The following CERCAM variants were observed in gnomAD, a reference collection of about 807,000 sequenced individuals.
CERCAM encodes the protein inactive glycosyltransferase 25 family member 3.
A neutral mutation model predicts 66.0 loss-of-function variants in CERCAM; 59 were observed. That is an observed-to-expected ratio of 0.89 (90% CI 0.73 to 1.11). The LOEUF (loss-of-function observed/expected upper bound fraction) is 1.11, where lower values mean the gene tolerates loss of function less well. Ranked by LOEUF, CERCAM falls within the 50% of genes most tolerant of loss-of-function variation. The pLI, the probability that CERCAM is intolerant of heterozygous loss-of-function variation, is 0.00. For missense variants in CERCAM, 840 were observed against 828.3 expected (o/e 1.01, Z -0.17); for synonymous variants, 318 against 343.6 (o/e 0.93, Z 0.83).
intron 11 of CERCAM, among the ~76,000 whole-genome samples, chr9:128,435,285 C>G (rs898669652): frequency 6.6e-6 from 1 of 152,186 alleles, no homozygotes; most frequent in African/African-American, 2.4e-5. Context: ...GCATGAGCCA[C>G]TGTACCCAGC....
chr9:128,420,741 G>A, upstream of CERCAM: 1 of 281,958 alleles, frequency 3.5e-6, no homozygotes, highest in Non-Finnish European at 6.4e-6. This position sits in a 1 kb window ranked among gnomAD's most constrained non-coding sequence, Gnocchi z 5.0. Context: ...GGGGTGGGGA[G>A]CAGGATCCCA....
Position 128,424,414 on chromosome 9 carries a change from A to G in CERCAM, c.566A>G (p.Tyr189Cys), listed in dbSNP as rs753352925. The G allele has an allele frequency of 1.9e-6, 3 of 1,613,794 alleles. No individual in the cohort carries two copies. Among genetic ancestry groups the G allele is most frequent in the Non-Finnish European group, 2.5e-6 (3 of 1,180,018 alleles). Residue 189 changes from tyrosine (Y) to cysteine (C), a missense_variant, in exon 5 of 13, where the codon TAC (tyrosine) becomes TGC (cysteine). By Grantham distance (194) the Tyr-to-Cys change is radical. Transcript: ENST00000372838. ...NFWCGITPQG[Y>C]YRRTAEYFPT... ...CAAAGCATCCCTTTTCCCCAGGGCTACTACCGCCGCACAGCCGAGTACTTC... is the reference window on the plus strand; with the variant it reads ...CAAAGCATCCCTTTTCCCCAGGGCTGCTACCGCCGCACAGCCGAGTACTTC...
rs145322425 is a variant in CERCAM at position 128,434,939 on chromosome 9, G to A, written c.1535+326G>A. Among the ~76,000 whole-genome samples, 2,344 of 152,162 alleles carry A rather than the reference G, an allele frequency of 0.015. 61 individuals are homozygous for A. Among genetic ancestry groups the A allele is most frequent in the African/African-American group, 0.054 (2,245 of 41,500 alleles). Reference sequence around the variant, plus strand: ...CAATTCTGCTGCCTCAGCCTCCTGAGTAGCTGGGATTACAGGGAAGTGCCA... The same window carrying A: ...CAATTCTGCTGCCTCAGCCTCCTGAATAGCTGGGATTACAGGGAAGTGCCA... On this transcript the variant is annotated intron_variant, in intron 11 of 12. Coordinates refer to ENST00000372838, the MANE Select transcript of CERCAM (RefSeq NM_016174.5). The surrounding 1 kb of genome is among the most constrained non-coding windows in gnomAD (Gnocchi z 4.5).
Position 128,424,554 on chromosome 9 carries a change from C to T in CERCAM, c.706C>T (p.Pro236Ser). 6.2e-7 allele frequency: 1 copy of T among 1,614,190 alleles called. No individual in the cohort carries two copies. The highest frequency in any genetic ancestry group is 8.5e-7 in the Non-Finnish European group (1 of 1,180,048). The change falls in exon 5 of 13, where the codon CCC becomes TCC. Residue 236 changes from proline to serine, a missense_variant. Physicochemically the swap from Pro to Ser is moderately conservative, Grantham distance 74. Transcript: ENST00000372838. ...ADQLAFYPPH[P>S]NYTWPFDDII... is the part of the protein sequence containing the mutation. ...CCAGCTTGCTTTCTACCCGCCACAT[C>T]CCAACTACACTTGGCCTTTCGACGA...
intron 8 of CERCAM, among the ~76,000 whole-genome samples, chr9:128,430,213 C>A (rs1833943715): frequency 6.6e-6 from 1 of 151,824 alleles, no homozygotes; most frequent in South Asian, 2.1e-4. Context: ...GCCTGGCCAA[C>A]CAACATGGTG....
Position 128,421,003 on chromosome 9 carries a change from C to G in CERCAM, c.126C>G (p.Ala42=). Residue 42 remains alanine, a synonymous_variant, in exon 1 of 13, where the codon GCC becomes GCG. Coordinates refer to ENST00000372838, the MANE Select transcript of CERCAM (RefSeq NM_016174.5). ...TCCTTGCCATCCTGGCCCGCAATGC[C>G]GAACACTCGCTGCCCCACTACCTGG... ...AVVLAILARN[A]EHSLPHYLGA... The G allele has an allele frequency of 6.8e-7, 1 of 1,464,800 alleles. No individual in the cohort carries two copies. The highest frequency in any genetic ancestry group is 9.0e-7 in the Non-Finnish European group (1 of 1,108,706). 90.7% of individuals were successfully genotyped at this position (1,464,800 alleles called of 1,614,324 possible). A position where few individuals can be genotyped will look rare whatever the true frequency, so the allele number is the denominator to read the frequency against.
intron 3 of CERCAM, 133 bp downstream of exon 3, chr9:128,423,396 C>A: frequency 1.4e-6 from 1 of 700,508 alleles, no homozygotes; most frequent in Non-Finnish European, 2.4e-6. Context: ...GCAGGTGGAT[C>A]ACCTGAGGTC....
At position 128,428,916 on chromosome 9, in the gene CERCAM, C is replaced by A. The variant is rs753149546; in HGVS notation, c.964-14C>A. The A allele has an allele frequency of 1.4e-5, 22 of 1,607,254 alleles. No homozygotes were observed. Among genetic ancestry groups the A allele is most frequent in the South Asian group, 1.0e-4 (9 of 90,368 alleles). ...CTCCCTTGCACTTACCGCCCACCCC[C>A]CTGCCTCCTCCAGGTCTTTGTCATC... is the stretch of plus-strand genomic sequence containing the variant. On this transcript the variant is annotated splice_polypyrimidine_tract_variant and intron_variant, in intron 7 of 12. Transcript: ENST00000372838.
intron 11 of CERCAM, 133 bp from the exon 12 acceptor site, chr9:128,435,520 C>A: frequency 1.1e-6 from 1 of 924,146 alleles, no homozygotes. Context: ...TCCCACTGCT[C>A]AGGGCCGCTG....
intron 1 of CERCAM, 27 bp from the exon 2 acceptor site, chr9:128,422,841 C>T (rs201666927): frequency 1.3e-4 from 209 of 1,612,356 alleles, no homozygotes; most frequent in Non-Finnish European, 1.6e-4. Context: ...GCTGTGCCCC[C>T]TCAGCCTTTT....
intron 12 of CERCAM, among the ~76,000 whole-genome samples, chr9:128,436,238 T>TTTTA (rs1206188131): frequency 6.6e-6 from 1 of 151,702 alleles, no homozygotes; most frequent in Admixed American, 6.6e-5. Context: ...CTATTTTTAT[T>TTTTA]TTTATTTATT....
In CERCAM at chr9:128,431,220, G is replaced by C; in HGVS notation, c.1120G>C (p.Gly374Arg). The stretch of plus-strand genomic sequence containing the variant: ...GAACCTCGGCGTAGACCTGCTCCCG[G>C]GCTACCAGGACCCTTACTCGGGCCG... ...IRNLGVDLLP[G>R]YQDPYSGRTL... is the part of the protein sequence containing the mutation. Residue 374 changes from glycine (G) to arginine (R), a missense_variant, in exon 9 of 13, where the codon GGC becomes CGC. By Grantham distance (125) the Gly-to-Arg change is moderately radical. Coordinates refer to ENST00000372838, the MANE Select transcript of CERCAM (RefSeq NM_016174.5). 6.2e-7 allele frequency: 1 copy of C among 1,614,002 alleles called. No individual in the cohort carries two copies. The highest frequency in any genetic ancestry group is 8.5e-7 in the Non-Finnish European group (1 of 1,180,014).
chr9:128,422,644 G>A (rs1330729182), intron 1 of CERCAM: 3 of 541,326 alleles, frequency 5.5e-6, no homozygotes, highest in Non-Finnish European at 6.6e-6. Flanking sequence ...GGGAGGACGT[G>A]AAGCCCAGAG....
chr9:128,433,274 G>A (rs558256094), intron 9 of CERCAM, among the ~76,000 whole-genome samples: 116 of 105,894 alleles, frequency 1.1e-3, no homozygotes, highest in East Asian at 3.9e-3. Flanking sequence ...GCAAAACTCC[G>A]TCTCAAAAAA....
intron 5 of CERCAM, among the ~76,000 whole-genome samples, chr9:128,426,094 G>A (rs1292430465): frequency 2.6e-5 from 4 of 151,992 alleles, no homozygotes; most frequent in Admixed American, 6.5e-5. Context: ...GTGAGCCACC[G>A]CCCCCGGCTG....
In CERCAM at chr9:128,420,994, C is replaced by T. The variant is rs762035842; in HGVS notation, c.117C>T (p.Ala39=). The part of the protein sequence containing the change: ...PLPAVVLAIL[A]RNAEHSLPHY... ...CCGCCGTGGTCCTTGCCATCCTGGCCCGCAATGCCGAACACTCGCTGCCCC... is the reference window on the plus strand; with the variant it reads ...CCGCCGTGGTCCTTGCCATCCTGGCTCGCAATGCCGAACACTCGCTGCCCC... Residue 39 remains alanine (A), a synonymous_variant, in exon 1 of 13, where the codon GCC becomes GCT. Transcript: ENST00000372838. The surrounding 1 kb of genome is among the most constrained non-coding windows in gnomAD (Gnocchi z 5.0). The T allele has an allele frequency of 7.5e-5, 110 of 1,467,222 alleles. 1 individual carries two copies. The Middle Eastern group carries it at 1.2e-3, about 17-fold the overall frequency. 90.9% of individuals were successfully genotyped at this position (1,467,222 alleles called of 1,614,324 possible).
rs376071086 is a variant in CERCAM, at chr9:128,434,270, G to A, written c.1331+41G>A. ...CCTCAGGGACAAGGGGGCAGGGTGG[G>A]CCTCCGGAGTCTGCCTTTTCCTGCT... On this transcript the variant is annotated intron_variant, in intron 10 of 12. Coordinates refer to ENST00000372838, the MANE Select transcript of CERCAM (RefSeq NM_016174.5). The surrounding 1 kb of genome is among the most constrained non-coding windows in gnomAD (Gnocchi z 4.5). 247 of 1,610,702 alleles carry A rather than the reference G, an allele frequency of 1.5e-4. No individual in the cohort carries two copies. Among genetic ancestry groups the A allele is most frequent in the Non-Finnish European group, 2.0e-4 (235 of 1,177,992 alleles).
At chr9:128,423,987 A>G in intron 3 of CERCAM, 151 bp from the exon 4 acceptor site, 1 of 826,238 alleles carries the variant, frequency 1.2e-6, no homozygotes, top group Non-Finnish European at 1.9e-6. Context: ...CTTGGTCCAG[A>G]AACAGATGTA....
chr9:128,419,674 G>C (rs2131321706), upstream of CERCAM: 1 of 152,340 alleles, frequency 6.6e-6, no homozygotes, highest in Admixed American at 6.5e-5. Context: ...CCGCCAGGCC[G>C]CTCCCTTTTC....
Sources: allele counts gnomAD v4.1 joint callset (sites outside exome capture counted in the v4.1 genomes callset), GRCh38; gene constraint gnomAD v4.1.1; non-coding constraint Gnocchi (gnomAD v3.1); transcripts MANE v1.5; gene names NCBI Gene and HGNC (gene_info 2026-07-23, HGNC 2026-07-21).